LGR4: variants seen among roughly 807,000 people sequenced by gnomAD.
LGR4 encodes the protein leucine rich repeat containing G protein-coupled receptor 4, also known as leucine-rich repeat-containing G protein-coupled receptor 4.
A neutral mutation model predicts 84.8 loss-of-function variants in LGR4; 44 were observed. The observed-to-expected ratio is 0.52, with a 90% confidence interval of 0.41 to 0.67. The LOEUF is 0.67. Among genes scored for constraint, LGR4 ranks in the 30% least tolerant of loss-of-function variants. The probability of loss-of-function intolerance (pLI) is 0.00; values close to 1 mark genes in which losing one functional copy is unlikely to be tolerated. For missense variants in LGR4, 1,032 were observed against 1,131.4 expected (o/e 0.91, Z 1.26); for synonymous variants, 429 against 434.3 (o/e 0.99, Z 0.15).
At chr11:27,464,914 T>C (rs1484974900) in intron 1 of LGR4, among the ~76,000 whole-genome samples, 5 of 152,160 alleles carry the variant, frequency 3.3e-5, no homozygotes, top group African/African-American at 1.2e-4. Context: ...TGCATTCTCC[T>C]AGTGTCAATC....
rs760715826 is a variant in LGR4 at position 27,368,907 on chromosome 11, C to T, written c.1816G>A (p.Ala606Thr). 1.5e-5 allele frequency: 24 copies of T among 1,614,138 alleles called. No homozygotes were observed. In the Middle Eastern group the frequency reaches 1.2e-3, roughly 78 times the overall value. ...FLDAVSWGRFAEFGIWWETGS... is the reference protein window; with the variant it reads ...FLDAVSWGRFTEFGIWWETGS... ...GTTTCCCACCAAATGCCAAATTCAGCGAATCTGCCCCAGGACACAGCATCA... is the reference window on the plus strand; with the variant it reads ...GTTTCCCACCAAATGCCAAATTCAGTGAATCTGCCCCAGGACACAGCATCA... Residue 606 changes from alanine to threonine, a missense_variant, in exon 18 of 18, where the codon GCT becomes ACT. Transcript: ENST00000379214.
rs913667278 is a variant in LGR4 at position 27,472,010 on chromosome 11, G to T, written c.185+108C>A. The T allele has an allele frequency of 9.0e-6, 7 of 777,206 alleles. No homozygotes were observed. The African/African-American group carries it at 1.1e-4, about 12-fold the overall frequency. 48.1% of individuals were successfully genotyped at this position (777,206 alleles called of 1,614,324 possible). On this transcript the variant is annotated intron_variant, in intron 1 of 17. Coordinates refer to ENST00000379214, the MANE Select transcript of LGR4 (RefSeq NM_018490.5). ...GCGGACCCCCTCCCCAGGCCCGGGC[G>T]GCGGCGGGGCGGGGTGGGGTGGGAC...
At chr11:27,460,897 T>TC (rs1344874454) in intron 1 of LGR4, among the ~76,000 whole-genome samples, 1 of 152,110 alleles carries the variant, frequency 6.6e-6, no homozygotes, top group Non-Finnish European at 1.5e-5. Flanking sequence ...TCAAACTTTT[T>TC]TTTTTTTTTA....
chr11:27,445,833 C>A (rs1038010669), intron 1 of LGR4, among the ~76,000 whole-genome samples: 1 of 151,676 alleles, frequency 6.6e-6, no homozygotes, highest in African/African-American at 2.4e-5. Context: ...GCTGAGATGG[C>A]GCCACTGTAC....
At chr11:27,470,404 G>GA (rs1458149640) in intron 1 of LGR4, among the ~76,000 whole-genome samples, 3 of 152,154 alleles carry the variant, frequency 2.0e-5, no homozygotes, top group Admixed American at 1.3e-4. Flanking sequence ...AAAATGTGAG[G>GA]AATCTGCTAA....
intron 1 of LGR4, among the ~76,000 whole-genome samples, chr11:27,468,382 C>T (rs1427648950): frequency 6.6e-6 from 1 of 152,120 alleles, no homozygotes; most frequent in East Asian, 1.9e-4. Flanking sequence ...AGGAAACAAC[C>T]AGGGCTATTC....
chr11:27,425,401 G>A (rs1590383620), intron 1 of LGR4, among the ~76,000 whole-genome samples: 1 of 151,346 alleles, frequency 6.6e-6, no homozygotes, highest in Non-Finnish European at 1.5e-5. Flanking sequence ...CACAATCAGA[G>A]CTCACTGCAG....
chr11:27,426,691 T>G (rs1337672913), intron 1 of LGR4, among the ~76,000 whole-genome samples: 1 of 152,164 alleles, frequency 6.6e-6, no homozygotes, highest in East Asian at 1.9e-4. Context: ...TTATTATTAT[T>G]TTTCTGTTAA....
At chr11:27,379,781 T>A (rs151064918) in intron 10 of LGR4, among the ~76,000 whole-genome samples, 29 of 152,346 alleles carry the variant, frequency 1.9e-4, no homozygotes, top group African/African-American at 7.0e-4. Context: ...TACCAAACAA[T>A]TCTCCGATTT....
chr11:27,434,214 G>A (rs2133424357), intron 1 of LGR4, among the ~76,000 whole-genome samples: 1 of 152,298 alleles, frequency 6.6e-6, no homozygotes, highest in East Asian at 1.9e-4. Context: ...AACCTGACGA[G>A]GCAGCCACTG....
chr11:27,400,228 A>G (rs1368376545), intron 2 of LGR4, among the ~76,000 whole-genome samples: 1 of 152,118 alleles, frequency 6.6e-6, no homozygotes, highest in Non-Finnish European at 1.5e-5. Flanking sequence ...CTGAAATACA[A>G]AACACTTATG....
chr11:27,448,154 G>A (rs1253950653), intron 1 of LGR4, among the ~76,000 whole-genome samples: 3 of 152,206 alleles, frequency 2.0e-5, no homozygotes, highest in East Asian at 1.9e-4. Flanking sequence ...TCTTTTCAAA[G>A]ACCTTACCAT....
intron 1 of LGR4, among the ~76,000 whole-genome samples, chr11:27,424,537 G>A (rs1290123483): frequency 6.6e-6 from 1 of 152,082 alleles, no homozygotes; most frequent in Admixed American, 6.6e-5. Flanking sequence ...CTTTCTCCAG[G>A]TAGTCCCTCT....
intron 1 of LGR4, among the ~76,000 whole-genome samples, chr11:27,428,106 T>TCC (rs1452584232): frequency 1.3e-5 from 2 of 152,162 alleles, no homozygotes; most frequent in African/African-American, 4.8e-5. Context: ...TTGCATTTTA[T>TCC]CTTACGCATT....
At chr11:27,393,085 T>C (rs1026535217) in intron 2 of LGR4, among the ~76,000 whole-genome samples, 1 of 152,166 alleles carries the variant, frequency 6.6e-6, no homozygotes, top group Non-Finnish European at 1.5e-5. Context: ...TAAAGAAATT[T>C]TGACATGACA....
At chr11:27,465,835 G>A (rs1271155205) in intron 1 of LGR4, among the ~76,000 whole-genome samples, 1 of 152,200 alleles carries the variant, frequency 6.6e-6, no homozygotes, top group Non-Finnish European at 1.5e-5. Context: ...TAGCCATTGT[G>A]TAAGAGTACT....
At chr11:27,389,455 A>G (rs1863242401) in intron 4 of LGR4, among the ~76,000 whole-genome samples, 1 of 152,116 alleles carries the variant, frequency 6.6e-6, no homozygotes, top group African/African-American at 2.4e-5. Context: ...TCTGTGAAAA[A>G]CATCACTTTA....
intron 1 of LGR4, among the ~76,000 whole-genome samples, chr11:27,467,350 G>A (rs922459515): frequency 3.9e-5 from 6 of 152,026 alleles, no homozygotes; most frequent in East Asian, 3.9e-4. Context: ...GGAGGACCAC[G>A]AGGTCAGGAA....
chr11:27,368,536 G>A lies in LGR4; in HGVS notation c.2187C>T (p.Tyr729=), dbSNP rs1221912996. ...AGAGGTCCTCTTTTTCCAAGTTGCA[G>A]TATAGTTTAGTGTAGATAACGGCCA... The part of the protein sequence containing the change: ...LLMAVIYTKL[Y]CNLEKEDLSE... Residue 729 remains tyrosine (Y), a synonymous_variant, in exon 18 of 18, where the codon TAC becomes TAT. Transcript: ENST00000379214. 1 of 1,613,994 alleles carries A rather than the reference G, an allele frequency of 6.2e-7. No homozygotes were observed. The highest frequency in any genetic ancestry group is 1.7e-5 in the Admixed American group (1 of 60,014).
Sources: allele counts gnomAD v4.1 joint callset (sites outside exome capture counted in the v4.1 genomes callset), GRCh38; gene constraint gnomAD v4.1.1; transcripts MANE v1.5; gene names NCBI Gene and HGNC (gene_info 2026-07-23, HGNC 2026-07-21).